The following PIK3R3 variants were observed in gnomAD, a reference collection of about 807,000 sequenced individuals.
PIK3R3 encodes the protein phosphoinositide-3-kinase regulatory subunit 3, also known as phosphatidylinositol 3-kinase regulatory subunit gamma.
PIK3R3 carries 64 observed loss-of-function variants against 62.9 expected under a neutral mutation model. The observed-to-expected ratio is 1.02, with a 90% CI of 0.83 to 1.25. The LOEUF is 1.25. PIK3R3 is among the 50% of genes most tolerant of loss of function. The probability of loss-of-function intolerance (pLI) is 0.00; values close to 1 mark genes in which losing one functional copy is unlikely to be tolerated. For missense variants in PIK3R3, 614 were observed against 561.6 expected (o/e 1.09, Z -0.94); for synonymous variants, 165 against 189.0 (o/e 0.87, Z 1.04).
At chr1:46,158,314 C>T in the PIK3R3 span, among the ~76,000 whole-genome samples, 741 of 152,364 alleles carry the variant, frequency 4.9e-3, 15 homozygotes, top group East Asian at 0.046. Flanking sequence ...TTCTCACCTT[C>T]CAACATACCA....
chr1:46,043,539 CCT>C lies in PIK3R3; in HGVS notation c.*132_*133del. ...CCCATCCCGGCCGGCTGCTGCTCGGCCTCTCCACTTCACATTCACAAAATCAC... is the reference window on the plus strand; with the variant it reads ...CCCATCCCGGCCGGCTGCTGCTCGGCCTCCACTTCACATTCACAAAATCAC... On this transcript the variant is annotated 3_prime_UTR_variant, in exon 10 of 10. Transcript: ENST00000262741. 1.3e-6 allele frequency: 1 copy of C among 784,940 alleles called. No homozygotes were observed. The highest frequency in any genetic ancestry group is 2.1e-6 in the Non-Finnish European group (1 of 485,934). 48.6% of individuals were successfully genotyped at this position (784,940 alleles called of 1,614,324 possible). A position where few individuals can be genotyped will look rare whatever the true frequency, so the allele number is the denominator to read the frequency against.
At chr1:46,141,460 G>A in the PIK3R3 span, among the ~76,000 whole-genome samples, 1 of 149,780 alleles carries the variant, frequency 6.7e-6, no homozygotes, top group African/African-American at 2.5e-5. Flanking sequence ...TAGTAGAGAT[G>A]GGGTTTCACC....
Position 46,045,970 on chromosome 1 carries a change from C to T in PIK3R3, c.1135G>A (p.Ala379Thr). The T allele has an allele frequency of 6.2e-7, 1 of 1,613,538 alleles. No individual in the cohort carries two copies. Among genetic ancestry groups the T allele is most frequent in the Non-Finnish European group, 8.5e-7 (1 of 1,179,678 alleles). The stretch of plus-strand genomic sequence containing the variant: ...TTGCTACTCTCACGAATTAAGAATG[C>T]ACCATCAGGTTTCCCATAAAGCAAG... ...EDLLYGKPDG[A>T]FLIRESSKKG... Residue 379 changes from alanine to threonine, a missense_variant, in exon 9 of 10, where the codon GCA (alanine) becomes ACA (threonine). Transcript: ENST00000262741.
chr1:46,132,563 T>A lies in PIK3R3; in HGVS notation c.-611A>T. 6.2e-6 allele frequency: 8 copies of A among 1,281,898 alleles called. No individual in the cohort carries two copies. Among genetic ancestry groups the A allele is most frequent in the Non-Finnish European group, 7.1e-6 (7 of 984,452 alleles). 79.4% of individuals were successfully genotyped at this position (1,281,898 alleles called of 1,614,324 possible). ...CCGGAGAAGTCCAGTCAGCTCGGCT[T>A]GTCTGGGCGCTCCCGCCGGGGTGTA... On this transcript the variant is annotated 5_prime_UTR_variant, in exon 1 of 10. Transcript: ENST00000262741.
the PIK3R3 span, among the ~76,000 whole-genome samples, chr1:46,139,735 C>T: frequency 3.3e-5 from 5 of 152,202 alleles, no homozygotes; most frequent in African/African-American, 4.8e-5. Context: ...CTGGCATCCT[C>T]GACTGCTGAG....
chr1:46,114,881 C>G (rs558037668), intron 1 of PIK3R3, among the ~76,000 whole-genome samples: 1 of 150,134 alleles, frequency 6.7e-6, no homozygotes, highest in South Asian at 2.1e-4. Flanking sequence ...TCCAACAGTG[C>G]TGGGATTACA....
At chr1:46,105,288 G>T in intron 1 of PIK3R3, 1 of 257,312 alleles carries the variant, frequency 3.9e-6, no homozygotes. Flanking sequence ...CAGATCACGA[G>T]GTCAAGTTCG....
At chr1:46,046,418 C>T in intron 8 of PIK3R3, 133 bp downstream of exon 8, 1 of 690,706 alleles carries the variant, frequency 1.4e-6, no homozygotes. Flanking sequence ...CAATTCAATT[C>T]AAAAGATAGT....
the PIK3R3 span, among the ~76,000 whole-genome samples, chr1:46,163,593 C>T: frequency 2.4e-4 from 36 of 152,216 alleles, no homozygotes; most frequent in African/African-American, 8.7e-4. Flanking sequence ...TCTAGGACAA[C>T]ACAAATGGTA....
the PIK3R3 span, among the ~76,000 whole-genome samples, chr1:46,166,217 T>G: frequency 2.6e-5 from 4 of 151,796 alleles, no homozygotes; most frequent in East Asian, 7.9e-4. Context: ...TTTCTTTTCT[T>G]TTCTTTTCTT....
At chr1:46,156,364 C>A in the PIK3R3 span, among the ~76,000 whole-genome samples, 1 of 148,938 alleles carries the variant, frequency 6.7e-6, no homozygotes, top group Non-Finnish European at 1.5e-5. Flanking sequence ...CAGAGGCAGA[C>A]AGGAGAATCG....
At chr1:46,138,051 A>G in the PIK3R3 span, among the ~76,000 whole-genome samples, 5 of 152,210 alleles carry the variant, frequency 3.3e-5, no homozygotes, top group Non-Finnish European at 5.9e-5. Context: ...TTATTTTATC[A>G]GCTGTGAATT....
intron 1 of PIK3R3, among the ~76,000 whole-genome samples, chr1:46,130,524 T>A (rs2149479762): frequency 6.6e-6 from 1 of 151,930 alleles, no homozygotes; most frequent in African/African-American, 2.4e-5. Context: ...GTTTATTCAA[T>A]ACTAGTTTTT....
Position 46,066,144 on chromosome 1 carries a change from T to A in PIK3R3, c.531A>T (p.Val177=), listed in dbSNP as rs1417491004. ...QLVKEDNIDA[V]GKKLQEYHSQ... ...AGTGGTATTCTTGCAGTTTTTTACCTACTGCATCAATATTATCTTCTTTTA... is the reference window on the plus strand; with the variant it reads ...AGTGGTATTCTTGCAGTTTTTTACCAACTGCATCAATATTATCTTCTTTTA... Residue 177 remains valine, a synonymous_variant, in exon 5 of 10, where the codon GTA becomes GTT. Transcript: ENST00000262741. The A allele has an allele frequency of 6.3e-7, 1 of 1,582,236 alleles. No individual in the cohort carries two copies. Among genetic ancestry groups the A allele is most frequent in the African/African-American group, 1.3e-5 (1 of 74,358 alleles).
At chr1:46,174,740 A>G in the PIK3R3 span, among the ~76,000 whole-genome samples, 5 of 152,200 alleles carry the variant, frequency 3.3e-5, no homozygotes, top group Non-Finnish European at 7.4e-5. Context: ...TCCCCAGGCC[A>G]GAGAGCTTAG....
chr1:46,145,500 G>A, the PIK3R3 span, among the ~76,000 whole-genome samples: 1 of 152,180 alleles, frequency 6.6e-6, no homozygotes, highest in Non-Finnish European at 1.5e-5. Flanking sequence ...AGGGGAGCTG[G>A]CATGTGCAGA....
chr1:46,140,449 A>G, the PIK3R3 span, among the ~76,000 whole-genome samples: 1 of 152,158 alleles, frequency 6.6e-6, no homozygotes, highest in Non-Finnish European at 1.5e-5. Flanking sequence ...TCCAACTCCT[A>G]AACCCTGGAA....
intron 3 of PIK3R3, among the ~76,000 whole-genome samples, chr1:46,074,221 C>T (rs546012931): frequency 2.4e-5 from 3 of 123,284 alleles, no homozygotes; most frequent in South Asian, 2.8e-4. Flanking sequence ...ACCTGGGAGG[C>T]GGAGCTTGCA....
At chr1:46,102,186 C>T (rs1037066577) in intron 1 of PIK3R3, among the ~76,000 whole-genome samples, 1 of 151,694 alleles carries the variant, frequency 6.6e-6, no homozygotes, top group Admixed American at 6.6e-5. Flanking sequence ...GGGGTTTCAC[C>T]GTGTTAGCCA....
Sources: gnomAD v4.1 joint callset for allele counts (sites outside exome capture counted in the v4.1 genomes callset) on GRCh38, gnomAD v4.1.1 for gene constraint, MANE v1.5 for transcripts, NCBI Gene and HGNC (gene_info 2026-07-23, HGNC 2026-07-21) for gene names.